PRKD1: variants seen among roughly 807,000 people sequenced by gnomAD.
The protein encoded by PRKD1 is serine/threonine-protein kinase D1.
Under a neutral mutation model 95.9 loss-of-function variants are expected in PRKD1, and 63 were observed. The ratio of observed to expected loss-of-function variants is 0.66; its 90% confidence interval spans 0.54 to 0.81. The LOEUF (loss-of-function observed/expected upper bound fraction) is 0.81. Ranked by LOEUF, PRKD1 falls within the 30% of genes least tolerant of loss-of-function variation. PRKD1 has a pLI of 0.00. For missense variants in PRKD1, 1,048 were observed against 1,165.3 expected (o/e 0.90, Z 1.47); for synonymous variants, 425 against 423.1 (o/e 1.00, Z -0.05).
chr14:29,726,380 G>A (rs1470022628), intron 1 of PRKD1, among the ~76,000 whole-genome samples: 5 of 151,998 alleles, frequency 3.3e-5, no homozygotes, highest in Non-Finnish European at 7.4e-5. Context: ...ATATGAAAAG[G>A]GCCCTTTTCT....
intron 1 of PRKD1, among the ~76,000 whole-genome samples, chr14:29,856,066 A>T (rs1204586246): frequency 6.6e-6 from 1 of 152,198 alleles, no homozygotes; most frequent in Non-Finnish European, 1.5e-5. Context: ...TGGCTTCACT[A>T]GAACATATGC....
At chr14:29,699,629 TTAG>T (rs1884724452) in intron 2 of PRKD1, among the ~76,000 whole-genome samples, 2 of 152,178 alleles carry the variant, frequency 1.3e-5, no homozygotes, top group African/African-American at 4.8e-5. Flanking sequence ...TTTTAATTGT[TTAG>T]GAGTTTAAAT....
intron 1 of PRKD1, among the ~76,000 whole-genome samples, chr14:29,830,454 A>G (rs1200844480): frequency 6.6e-6 from 1 of 152,160 alleles, no homozygotes; most frequent in African/African-American, 2.4e-5. Context: ...TTAATCTAAG[A>G]ATTAAGTCAG....
chr14:29,734,852 G>T (rs1223820835), intron 1 of PRKD1, among the ~76,000 whole-genome samples: 3 of 152,088 alleles, frequency 2.0e-5, no homozygotes, highest in African/African-American at 7.2e-5. Context: ...TGGCCTCCCT[G>T]AGCTCTTATC....
intron 2 of PRKD1, among the ~76,000 whole-genome samples, chr14:29,712,813 C>A (rs767280440): frequency 6.6e-6 from 1 of 152,036 alleles, no homozygotes; most frequent in African/African-American, 2.4e-5. Flanking sequence ...ACATGCCAAC[C>A]AACAGAATGA....
intron 1 of PRKD1, among the ~76,000 whole-genome samples, chr14:29,864,452 A>G (rs1312565438): frequency 6.6e-6 from 1 of 152,166 alleles, no homozygotes; most frequent in African/African-American, 2.4e-5. Flanking sequence ...CATACCTCAG[A>G]GAGCCAAGTG....
intron 1 of PRKD1, among the ~76,000 whole-genome samples, chr14:29,770,522 T>C (rs1888453438): frequency 6.6e-6 from 1 of 152,210 alleles, no homozygotes; most frequent in South Asian, 2.1e-4. Flanking sequence ...TGATGAAATC[T>C]GACAGAAGTG....
At chr14:29,739,089 G>T (rs11623772) in intron 1 of PRKD1, among the ~76,000 whole-genome samples, 2,636 of 152,162 alleles carry the variant, frequency 0.017, 95 homozygotes, top group Admixed American at 0.086. Flanking sequence ...TCCAGCTTTG[G>T]CCTCCCAAAG....
At chr14:29,607,778 C>T (rs1878105212) in intron 13 of PRKD1, among the ~76,000 whole-genome samples, 1 of 152,298 alleles carries the variant, frequency 6.6e-6, no homozygotes, top group Admixed American at 6.5e-5. Flanking sequence ...TTAAGGTCTG[C>T]AACTTTAATT....
At chr14:29,667,708 T>C (rs1289815604) in intron 2 of PRKD1, among the ~76,000 whole-genome samples, 1 of 152,106 alleles carries the variant, frequency 6.6e-6, no homozygotes, top group African/African-American at 2.4e-5. Context: ...TTCTAGCTTC[T>C]CCCCTCAGCC....
At chr14:29,849,920 T>C (rs1372959795) in intron 1 of PRKD1, among the ~76,000 whole-genome samples, 1 of 152,142 alleles carries the variant, frequency 6.6e-6, no homozygotes, top group Non-Finnish European at 1.5e-5. Context: ...TAAATGTGAT[T>C]TCCCACGTAA....
At chr14:29,723,448 A>G (rs2139388554) in intron 2 of PRKD1, among the ~76,000 whole-genome samples, 1 of 152,302 alleles carries the variant, frequency 6.6e-6, no homozygotes. Flanking sequence ...TTTGATCACA[A>G]TAGACTCAGG....
At chr14:29,709,996 T>C (rs1171791915) in intron 2 of PRKD1, among the ~76,000 whole-genome samples, 1 of 152,182 alleles carries the variant, frequency 6.6e-6, no homozygotes, top group Non-Finnish European at 1.5e-5. Context: ...CAATTACTTC[T>C]TCACACAGTG....
At chr14:29,689,329 T>G (rs1339877597) in intron 2 of PRKD1, among the ~76,000 whole-genome samples, 1 of 151,776 alleles carries the variant, frequency 6.6e-6, no homozygotes, top group African/African-American at 2.4e-5. Flanking sequence ...AAAGAAGACA[T>G]TCAGGCAGCC....
chr14:29,905,710 C>T (rs978878449), intron 1 of PRKD1, among the ~76,000 whole-genome samples: 2 of 152,168 alleles, frequency 1.3e-5, no homozygotes, highest in African/African-American at 4.8e-5. Flanking sequence ...GAGAAGCCCT[C>T]CTCAAGGTTG....
intron 1 of PRKD1, among the ~76,000 whole-genome samples, chr14:29,874,858 G>A (rs918472099): frequency 4.6e-5 from 7 of 152,108 alleles, no homozygotes; most frequent in African/African-American, 1.7e-4. Context: ...GGTAGGATGG[G>A]GAGATAAAGA....
At chr14:29,875,106 T>G (rs1000450972) in intron 1 of PRKD1, among the ~76,000 whole-genome samples, 4 of 152,164 alleles carry the variant, frequency 2.6e-5, no homozygotes, top group Admixed American at 6.5e-5. Flanking sequence ...TATTAATTCT[T>G]TATACTTGTA....
In PRKD1 at chr14:29,847,897, A is replaced by T. The variant is rs142547303; in HGVS notation, c.264+79352T>A. 1.2e-4 allele frequency among the ~76,000 whole-genome samples: 18 copies of T among 150,834 alleles called. 1 individual carries two copies. In the East Asian group the frequency reaches 3.5e-3, roughly 30 times the overall value. ...CTCTCTCCCCCCCCACCAACCTTTC[A>T]CTCTCTCTAGGATTGGCAGAAGATG... On this transcript the variant is annotated intron_variant, in intron 1 of 17. Transcript: ENST00000331968.
intron 16 of PRKD1, among the ~76,000 whole-genome samples, chr14:29,585,310 C>G (rs945368746): frequency 6.6e-6 from 1 of 152,158 alleles, no homozygotes; most frequent in African/African-American, 2.4e-5. Context: ...CATCGTCTCA[C>G]TCACTCCGGA....
Sources: allele counts gnomAD v4.1 joint callset (sites outside exome capture counted in the v4.1 genomes callset), GRCh38; gene constraint gnomAD v4.1.1; transcripts MANE v1.5; gene names NCBI Gene and HGNC (gene_info 2026-07-23, HGNC 2026-07-21).